The following TIMP2 variants were observed in gnomAD, a reference collection of about 807,000 sequenced individuals.
The protein encoded by TIMP2 is TIMP metallopeptidase inhibitor 2, also known as metalloproteinase inhibitor 2.
In TIMP2, 5 loss-of-function variants were observed where a neutral mutation model predicts 24.3. That is an observed-to-expected ratio of 0.21 (90% CI 0.11 to 0.43). The LOEUF (loss-of-function observed/expected upper bound fraction) is 0.43, where lower values mean the gene tolerates loss of function less well. Among genes scored for constraint, TIMP2 ranks in the 20% least tolerant of loss-of-function variants. The probability of loss-of-function intolerance (pLI) is 1.00; values close to 1 mark genes in which losing one functional copy is unlikely to be tolerated. For synonymous variants in TIMP2, 130 were observed against 123.2 expected (o/e 1.06, Z -0.37); for missense variants, 221 against 297.5 (o/e 0.74, Z 1.89).
intron 1 of TIMP2, among the ~76,000 whole-genome samples, chr17:78,908,920 C>T (rs2070184094): frequency 6.6e-6 from 1 of 152,190 alleles, no homozygotes; most frequent in Non-Finnish European, 1.5e-5. Context: ...CTGGGCTGGG[C>T]AGGCTGGTCC....
At chr17:78,914,909 T>G (rs1438200614) in intron 1 of TIMP2, among the ~76,000 whole-genome samples, 1 of 150,072 alleles carries the variant, frequency 6.7e-6, no homozygotes, top group East Asian at 2.0e-4. Context: ...TTCTTTTTTT[T>G]TTTTTGAGAC....
chr17:78,909,474 C>A (rs2070188857), intron 1 of TIMP2, among the ~76,000 whole-genome samples: 1 of 150,006 alleles, frequency 6.7e-6, no homozygotes, highest in African/African-American at 2.5e-5. Flanking sequence ...CACGAATGAC[C>A]CCCCCACCCA....
At chr17:78,922,952 G>T (rs1227016959) in intron 1 of TIMP2, among the ~76,000 whole-genome samples, 1 of 152,280 alleles carries the variant, frequency 6.6e-6, no homozygotes, top group South Asian at 2.1e-4. Context: ...ACAGCCCCCA[G>T]AAGGAACTGG....
rs751980022 is a variant in TIMP2, at chr17:78,870,883, C to A, written c.340+15G>T. Reference sequence around the variant, plus strand: ...TCTGTGCCAGCCTCCGGCTGATGGCCCCACTCATACACACCTGCAATGAGA... The same window carrying A: ...TCTGTGCCAGCCTCCGGCTGATGGCACCACTCATACACACCTGCAATGAGA... On this transcript the variant is annotated intron_variant, in intron 3 of 4. Coordinates refer to ENST00000262768, the MANE Select transcript of TIMP2 (RefSeq NM_003255.5). 6.2e-7 allele frequency: 1 copy of A among 1,606,956 alleles called. No individual in the cohort carries two copies. Among genetic ancestry groups the A allele is most frequent in the Non-Finnish European group, 8.5e-7 (1 of 1,174,632 alleles).
intron 3 of TIMP2, among the ~76,000 whole-genome samples, chr17:78,870,241 C>A (rs1419529098): frequency 1.3e-5 from 2 of 152,006 alleles, no homozygotes; most frequent in Non-Finnish European, 2.9e-5. Flanking sequence ...CACGGTAGAA[C>A]CCCATCTCTA....
chr17:78,890,113 CTCAA>C (rs67408260), intron 1 of TIMP2, among the ~76,000 whole-genome samples: 6,647 of 151,968 alleles, frequency 0.044, 467 homozygotes, highest in African/African-American at 0.15. Context: ...AAGACTCCGT[CTCAA>C]TCAATCAATC....
chr17:78,915,528 T>G (rs1210556220), intron 1 of TIMP2, among the ~76,000 whole-genome samples: 3 of 27,862 alleles, frequency 1.1e-4, no homozygotes, highest in Admixed American at 5.6e-4. Context: ...TTTTTCTTCT[T>G]TTTTTTTTTG....
chr17:78,903,556 C>T (rs1196518227), intron 1 of TIMP2, among the ~76,000 whole-genome samples: 2 of 152,178 alleles, frequency 1.3e-5, no homozygotes, highest in African/African-American at 4.8e-5. Context: ...GCCTGCCATC[C>T]CTTCTCCTGT....
At position 78,910,084 on chromosome 17, in the gene TIMP2, G is replaced by C. The variant is rs564749568; in HGVS notation, c.130+14875C>G. 1.1e-3 allele frequency among the ~76,000 whole-genome samples: 164 copies of C among 152,304 alleles called. 4 individuals are homozygous for C. The South Asian group carries it at 0.033, about 31-fold the overall frequency. ...CATACAATGTATAGTGATCAGATCA[G>C]GGTAATTAGCACAGCCATCATCTCA... On this transcript the variant is annotated intron_variant, in intron 1 of 4. Coordinates refer to ENST00000262768, the MANE Select transcript of TIMP2 (RefSeq NM_003255.5).
chr17:78,919,628 A>C (rs8075861), intron 1 of TIMP2, among the ~76,000 whole-genome samples: 61,956 of 151,928 alleles, frequency 0.41, 13,485 homozygotes, highest in Middle Eastern at 0.48. Flanking sequence ...AGGTCAGGAG[A>C]TCGAGACCAT....
At chr17:78,884,295 G>A (rs900090746) in intron 1 of TIMP2, among the ~76,000 whole-genome samples, 3 of 152,196 alleles carry the variant, frequency 2.0e-5, no homozygotes, top group Admixed American at 6.5e-5. Context: ...CTGCGACAGC[G>A]CGAGGTGGGC....
chr17:78,905,213 C>T (rs73397204), intron 1 of TIMP2, among the ~76,000 whole-genome samples: 2,635 of 152,172 alleles, frequency 0.017, 76 homozygotes, highest in African/African-American at 0.06. Context: ...GGGCCTCAGG[C>T]CTTTGGGCTC....
rs1181112633 is a variant in TIMP2 at position 78,918,074 on chromosome 17, A to ACGCG, written c.130+6884_130+6885insCGCG. Among the ~76,000 whole-genome samples the ACGCG allele has an allele frequency of 3.9e-3, 309 of 79,874 alleles. 10 individuals are homozygous for ACGCG. The East Asian group carries it at 0.078, about 20-fold the overall frequency. 52.4% of individuals were successfully genotyped at this position (79,874 alleles called of 152,430 possible). A position where few individuals can be genotyped will look rare whatever the true frequency, so the allele number is the denominator to read the frequency against. ...TACGCGTGCACACACAAACACACAC[A>ACGCG]CACACACACACACACACACACACAC... On this transcript the variant is annotated intron_variant, in intron 1 of 4. Transcript: ENST00000262768.
chr17:78,878,210 T>A (rs2069745682), intron 1 of TIMP2, among the ~76,000 whole-genome samples: 1 of 152,148 alleles, frequency 6.6e-6, no homozygotes, highest in Non-Finnish European at 1.5e-5. Flanking sequence ...TGGGCACTTA[T>A]TTGAAGGAGG....
At position 78,853,065 on chromosome 17, in the gene TIMP2, T is replaced by C. The variant is rs1021531235; in HGVS notation, c.*2602A>G. 4 of 152,594 alleles carry C rather than the reference T, an allele frequency of 2.6e-5. No homozygotes were observed. The highest frequency in any genetic ancestry group is 5.9e-5 in the Non-Finnish European group (4 of 68,054). 9.5% of individuals were successfully genotyped at this position (152,594 alleles called of 1,614,324 possible). A position where few individuals can be genotyped will look rare whatever the true frequency, so the allele number is the denominator to read the frequency against. ...ATCAGAGACATGCGCAGTCTGCTTG[T>C]CAACTTTCAACAACTCTTGTGTGTT... On this transcript the variant is annotated 3_prime_UTR_variant, in exon 5 of 5. Coordinates refer to ENST00000262768, the MANE Select transcript of TIMP2 (RefSeq NM_003255.5).
chr17:78,892,631 G>T, intron 1 of TIMP2: 1 of 985,154 alleles, frequency 1.0e-6, no homozygotes, highest in Non-Finnish European at 1.5e-6. Flanking sequence ...CCCAATTTCT[G>T]TCCTGTACAC....
intron 3 of TIMP2, among the ~76,000 whole-genome samples, chr17:78,869,999 A>AC (rs1555648798): frequency 2.6e-5 from 4 of 152,210 alleles, no homozygotes; most frequent in African/African-American, 9.7e-5. Context: ...GCCAAGGCTG[A>AC]GGAAGAGAGA....
chr17:78,911,983 G>A (rs1268309749), intron 1 of TIMP2, among the ~76,000 whole-genome samples: 8 of 150,450 alleles, frequency 5.3e-5, no homozygotes, highest in Admixed American at 1.3e-4. Flanking sequence ...AGAATTGCTT[G>A]AAGCCGGGAG....
intron 1 of TIMP2, chr17:78,897,731 A>ACTGG (rs1255328700): frequency 6.6e-6 from 1 of 152,218 alleles, no homozygotes; most frequent in Non-Finnish European, 1.5e-5. Context: ...CAAGGCATGA[A>ACTGG]CTGGCCCCTC....
Sources: gnomAD v4.1 joint callset for allele counts (sites outside exome capture counted in the v4.1 genomes callset) on GRCh38, gnomAD v4.1.1 for gene constraint, MANE v1.5 for transcripts, NCBI Gene and HGNC (gene_info 2026-07-23, HGNC 2026-07-21) for gene names.